WNT7A: variants seen among roughly 807,000 people sequenced by gnomAD.
WNT7A encodes the protein protein Wnt-7a.
In WNT7A, 16 loss-of-function variants were observed where a neutral mutation model predicts 28.2. The observed-to-expected ratio is 0.57, with a 90% CI of 0.38 to 0.86. The LOEUF (loss-of-function observed/expected upper bound fraction) is 0.86, where lower values mean the gene tolerates loss of function less well. Ranked by LOEUF, WNT7A falls within the 40% of genes least tolerant of loss-of-function variation. The pLI, the probability that WNT7A is intolerant of heterozygous loss-of-function variation, is 0.00. For synonymous variants in WNT7A, 190 were observed against 195.9 expected (o/e 0.97, Z 0.25); for missense variants, 411 against 489.7 (o/e 0.84, Z 1.52).
At chr3:13,861,724 G>T (rs1694835097) in intron 2 of WNT7A, among the ~76,000 whole-genome samples, 1 of 152,122 alleles carries the variant, frequency 6.6e-6, no homozygotes, top group African/African-American at 2.4e-5. Flanking sequence ...GGGCGGGTGT[G>T]GATTCTGCCA....
intron 3 of WNT7A, 87 bp downstream of exon 3, chr3:13,854,444 CA>C: frequency 2.1e-5 from 33 of 1,603,218 alleles, no homozygotes; most frequent in Non-Finnish European, 2.7e-5. Context: ...TGTGGCTCCT[CA>C]ACAGACACCC....
chr3:13,856,880 G>GGAAGAAGAAGAAGAAGAAGAAGAAGAA (rs1491101426), intron 2 of WNT7A, among the ~76,000 whole-genome samples: 3 of 91,670 alleles, frequency 3.3e-5, no homozygotes, highest in African/African-American at 4.8e-5. Flanking sequence ...AGGAAGAAGA[G>GGAAGAAGAAGAAGAAGAAGAAGAAGAA]GAAGAAGAAG....
Position 13,854,782 on chromosome 3 carries a change from G to T in WNT7A, c.320C>A (p.Thr107Asn), listed in dbSNP as rs767029914. ...CACGCCGGCGGCAATGATGGCGTAG[G>T]TGAACGCAGCCTCCCGGCTCCCTGC... is the stretch of plus-strand genomic sequence containing the variant. ...LKVGSREAAF[T>N]YAIIAAGVAH... Residue 107 changes from threonine (T) to asparagine (N), a missense_variant, in exon 3 of 4, where the codon ACC becomes AAC. Transcript: ENST00000285018. 3.1e-6 allele frequency: 5 copies of T among 1,613,254 alleles called. No individual in the cohort carries two copies. The highest frequency in any genetic ancestry group is 4.2e-6 in the Non-Finnish European group (5 of 1,180,056).
At chr3:13,856,915 A>AAGAAGAAGAAGAAGG in intron 2 of WNT7A, among the ~76,000 whole-genome samples, 5 of 96,190 alleles carry the variant, frequency 5.2e-5, no homozygotes, top group South Asian at 4.0e-4. Flanking sequence ...GAAGAAGAAG[A>AAGAAGAAGAAGAAGG]AGAAGAAGAA....
chr3:13,848,766 C>G (rs762848781), intron 3 of WNT7A, among the ~76,000 whole-genome samples: 4 of 152,108 alleles, frequency 2.6e-5, no homozygotes, highest in Non-Finnish European at 5.9e-5. Flanking sequence ...ACCTTACATT[C>G]ACACACACAA....
intron 1 of WNT7A, among the ~76,000 whole-genome samples, chr3:13,875,391 CAT>C (rs1695096340): frequency 6.6e-6 from 1 of 152,208 alleles, no homozygotes; most frequent in East Asian, 1.9e-4. Flanking sequence ...ATCAGTGAAA[CAT>C]ACACACACTT....
At chr3:13,845,826 A>C (rs1359178640) in intron 3 of WNT7A, among the ~76,000 whole-genome samples, 1 of 152,222 alleles carries the variant, frequency 6.6e-6, no homozygotes, top group Non-Finnish European at 1.5e-5. Flanking sequence ...CTGGGCTCTG[A>C]GAGACACCGA....
At chr3:13,877,678 G>T (rs1051575627) in intron 1 of WNT7A, among the ~76,000 whole-genome samples, 1 of 148,462 alleles carries the variant, frequency 6.7e-6, no homozygotes, top group Non-Finnish European at 1.5e-5. Flanking sequence ...CTAAATTAGG[G>T]TATTGATAAC....
At chr3:13,849,164 A>G (rs1298564211) in intron 3 of WNT7A, among the ~76,000 whole-genome samples, 13 of 152,198 alleles carry the variant, frequency 8.5e-5, no homozygotes, top group Admixed American at 8.5e-4. Context: ...CTGTCCTAGC[A>G]TCAGCATCCT....
At chr3:13,873,890 G>A (rs1695063180) in intron 2 of WNT7A, among the ~76,000 whole-genome samples, 1 of 152,208 alleles carries the variant, frequency 6.6e-6, no homozygotes, top group Non-Finnish European at 1.5e-5. Flanking sequence ...GAAGATGGCA[G>A]CAGAGGTCAG....
intron 2 of WNT7A, among the ~76,000 whole-genome samples, chr3:13,860,386 A>C (rs1694809953): frequency 6.6e-6 from 1 of 152,048 alleles, no homozygotes; most frequent in Non-Finnish European, 1.5e-5. Flanking sequence ...TAAGACATCA[A>C]CTCTTGTCAG....
chr3:13,860,433 G>A (rs1221620158), intron 2 of WNT7A, among the ~76,000 whole-genome samples: 3 of 152,188 alleles, frequency 2.0e-5, no homozygotes, highest in Non-Finnish European at 4.4e-5. Flanking sequence ...GCATTCAGTT[G>A]TTATCAATTA....
At chr3:13,830,018 G>A (rs1219534624) in intron 3 of WNT7A, among the ~76,000 whole-genome samples, 1 of 152,120 alleles carries the variant, frequency 6.6e-6, no homozygotes, top group Non-Finnish European at 1.5e-5. Flanking sequence ...GGCAACCCCA[G>A]GGCATCTTTA....
chr3:13,872,464 C>T (rs928855282), intron 2 of WNT7A, among the ~76,000 whole-genome samples: 11 of 152,304 alleles, frequency 7.2e-5, no homozygotes, highest in African/African-American at 2.2e-4. Context: ...GACTCCCACT[C>T]AGAAATTCAA....
chr3:13,873,913 G>T (rs80318592), intron 2 of WNT7A, among the ~76,000 whole-genome samples: 4,040 of 152,310 alleles, frequency 0.027, 175 homozygotes, highest in African/African-American at 0.091. Context: ...GCAGCTAGAT[G>T]AGCAGTGGGG....
At chr3:13,855,625 G>A (rs989702278) in intron 2 of WNT7A, among the ~76,000 whole-genome samples, 1 of 152,158 alleles carries the variant, frequency 6.6e-6, no homozygotes, top group African/African-American at 2.4e-5. Flanking sequence ...CCTAAATATG[G>A]TGCTGCCACC....
intron 3 of WNT7A, among the ~76,000 whole-genome samples, chr3:13,822,975 G>A (rs931850093): frequency 3.9e-5 from 6 of 152,188 alleles, no homozygotes; most frequent in East Asian, 1.9e-4. Context: ...ATGGCCTGAC[G>A]CCATGGTGGT....
intron 3 of WNT7A, among the ~76,000 whole-genome samples, chr3:13,830,972 A>G (rs1192864994): frequency 6.6e-6 from 1 of 152,150 alleles, no homozygotes; most frequent in Non-Finnish European, 1.5e-5. Context: ...ACACCTGGTG[A>G]TGCAGCAGCT....
rs370964382 is a variant in WNT7A at position 13,864,973 on chromosome 3, G to C, written c.298+9974C>G. Reference sequence around the variant, plus strand: ...TCCGAAGCGAGGATGTGCCTCTTCTGTACCCTTGGGGAAAGATATGGAAAT... The same window carrying C: ...TCCGAAGCGAGGATGTGCCTCTTCTCTACCCTTGGGGAAAGATATGGAAAT... On this transcript the variant is annotated intron_variant, in intron 2 of 3. Transcript: ENST00000285018. Among the ~76,000 whole-genome samples the C allele has an allele frequency of 1.1e-4, 17 of 152,288 alleles. No homozygotes were observed. The South Asian group carries it at 3.5e-3, about 32-fold the overall frequency.
Sources: gnomAD v4.1 joint callset for allele counts (sites outside exome capture counted in the v4.1 genomes callset) on GRCh38, gnomAD v4.1.1 for gene constraint, MANE v1.5 for transcripts, NCBI Gene and HGNC (gene_info 2026-07-23, HGNC 2026-07-21) for gene names.